Variants in TCAIM observed in about 807,000 individuals in gnomAD.
TCAIM encodes the protein T cell activation inhibitor, mitochondrial.
TCAIM carries 36 observed loss-of-function variants against 58.6 expected under a neutral mutation model. That is an observed-to-expected ratio of 0.61 (90% CI 0.47 to 0.81). The LOEUF (loss-of-function observed/expected upper bound fraction) is 0.81. TCAIM is among the 30% of genes least tolerant of loss of function. The probability of loss-of-function intolerance (pLI) is 0.00; values close to 1 mark genes in which losing one functional copy is unlikely to be tolerated. For missense variants in TCAIM, 466 were observed against 579.6 expected (o/e 0.80, Z 2.01); for synonymous variants, 172 against 193.6 (o/e 0.89, Z 0.93).
intron 5 of TCAIM, among the ~76,000 whole-genome samples, chr3:44,382,100 T>C (rs1449336261): frequency 6.6e-6 from 1 of 152,170 alleles, no homozygotes; most frequent in Non-Finnish European, 1.5e-5. Context: ...TGATGACATT[T>C]TTTGCACAAA....
chr3:44,342,821 A>G (rs1230328558), intron 1 of TCAIM, among the ~76,000 whole-genome samples: 1 of 151,778 alleles, frequency 6.6e-6, no homozygotes, highest in Non-Finnish European at 1.5e-5. Context: ...GACCAATTGC[A>G]TATAAGCTGA....
In TCAIM at chr3:44,345,947, A is replaced by T. The variant is rs532469362; in HGVS notation, c.-45+7113A>T. Among the ~76,000 whole-genome samples, 281 of 152,224 alleles carry T rather than the reference A, an allele frequency of 1.8e-3. 1 individual carries two copies. The highest frequency in any genetic ancestry group is 6.5e-3 in the African/African-American group (269 of 41,514). On this transcript the variant is annotated intron_variant, in intron 1 of 10. Coordinates refer to ENST00000342649, the MANE Select transcript of TCAIM (RefSeq NM_173826.4). ...GAATAGGAGTATGACTAGACAGAAG[A>T]TAGTAGGGATGACAAGTTTTTGGGG...
intron 5 of TCAIM, among the ~76,000 whole-genome samples, chr3:44,370,294 T>C (rs997295573): frequency 2.6e-5 from 4 of 152,052 alleles, no homozygotes; most frequent in African/African-American, 9.7e-5. Flanking sequence ...ACCCCGTCTC[T>C]ACTAAAAATA....
In TCAIM at chr3:44,361,436, T is replaced by G; in HGVS notation, c.237T>G (p.Ser79=). The G allele has an allele frequency of 6.2e-7, 1 of 1,613,254 alleles. No homozygotes were observed. Among genetic ancestry groups the G allele is most frequent in the Non-Finnish European group, 8.5e-7 (1 of 1,179,606 alleles). The change falls in exon 4 of 11, where the codon TCT becomes TCG. Residue 79 remains serine (S), a synonymous_variant. Coordinates refer to ENST00000342649, the MANE Select transcript of TCAIM (RefSeq NM_173826.4). The part of the protein sequence containing the change: ...LENLQKPGFK[S]LKPTQLTFYV... ...ACCTCCAGAAACCAGGCTTCAAGTC[T>G]TTGAAACCAACTCAGCTTACATTTT...
intron 5 of TCAIM, among the ~76,000 whole-genome samples, chr3:44,370,552 A>C (rs1701448719): frequency 6.6e-6 from 1 of 151,698 alleles, no homozygotes; most frequent in Non-Finnish European, 1.5e-5. Context: ...GTCAACAGCT[A>C]TTTTATCTTT....
intron 1 of TCAIM, among the ~76,000 whole-genome samples, chr3:44,348,835 G>A (rs1262647071): frequency 6.6e-6 from 1 of 152,076 alleles, no homozygotes; most frequent in Non-Finnish European, 1.5e-5. Flanking sequence ...TATATTTGAT[G>A]AAAAAGCCTA....
At chr3:44,357,271 G>A (rs746251843) in intron 2 of TCAIM, among the ~76,000 whole-genome samples, 12 of 151,572 alleles carry the variant, frequency 7.9e-5, no homozygotes, top group Admixed American at 2.0e-4. Context: ...GGGAGGGTAA[G>A]GTGGGAGGAT....
At chr3:44,378,214 C>T (rs552354955) in intron 5 of TCAIM, among the ~76,000 whole-genome samples, 13 of 151,534 alleles carry the variant, frequency 8.6e-5, no homozygotes, top group African/African-American at 3.1e-4. Flanking sequence ...AACCCCGTCT[C>T]TACTAAAAAT....
At chr3:44,367,953 T>C in intron 5 of TCAIM, 1 of 381,360 alleles carries the variant, frequency 2.6e-6, no homozygotes, top group Non-Finnish European at 4.7e-6. Flanking sequence ...AAAGTTGTGG[T>C]CTTTTGATAC....
intron 6 of TCAIM, among the ~76,000 whole-genome samples, chr3:44,396,008 A>G (rs1488038252): frequency 6.6e-6 from 1 of 152,258 alleles, no homozygotes; most frequent in Non-Finnish European, 1.5e-5. Flanking sequence ...AGAGAACCTG[A>G]TAAACCTAAC....
intron 5 of TCAIM, among the ~76,000 whole-genome samples, chr3:44,377,076 T>A (rs1371434774): frequency 6.6e-6 from 1 of 152,030 alleles, no homozygotes; most frequent in Non-Finnish European, 1.5e-5. Context: ...GGCAACAGAG[T>A]GAGACTCCGT....
chr3:44,398,755 A>ATTT (rs1453656781), intron 8 of TCAIM, among the ~76,000 whole-genome samples: 1 of 152,194 alleles, frequency 6.6e-6, no homozygotes, highest in African/African-American at 2.4e-5. Flanking sequence ...TATAATAGCC[A>ATTT]AAAACTAGGA....
intron 8 of TCAIM, among the ~76,000 whole-genome samples, chr3:44,398,464 G>C (rs1291672551): frequency 6.6e-6 from 1 of 151,476 alleles, no homozygotes; most frequent in Non-Finnish European, 1.5e-5. Context: ...TAGATAGATA[G>C]ATAGATAGAT....
At chr3:44,396,042 A>G (rs1214487646) in intron 6 of TCAIM, among the ~76,000 whole-genome samples, 1 of 152,272 alleles carries the variant, frequency 6.6e-6, no homozygotes, top group African/African-American at 2.4e-5. Context: ...TGGAACTTGA[A>G]TCTAAAACAA....
At chr3:44,396,597 T>G in intron 7 of TCAIM, 100 bp downstream of exon 7, 2 of 1,438,414 alleles carry the variant, frequency 1.4e-6, no homozygotes, top group South Asian at 1.3e-5. Context: ...GCTGAACTTT[T>G]AAATCTGTTC....
Position 44,343,976 on chromosome 3 carries a change from A to G in TCAIM, c.-45+5142A>G, listed in dbSNP as rs144519734. On this transcript the variant is annotated intron_variant, in intron 1 of 10. Transcript: ENST00000342649. ...TTTTTCTGGATAACTAAAGACCTTG[A>G]ACTTTACACAAATTTTATTTTGCTT... 2.8e-3 allele frequency among the ~76,000 whole-genome samples: 431 copies of G among 151,244 alleles called. 3 individuals are homozygous for G. Among genetic ancestry groups the G allele is most frequent in the African/African-American group, 9.7e-3 (401 of 41,246 alleles).
intron 5 of TCAIM, among the ~76,000 whole-genome samples, chr3:44,373,825 A>C (rs1701521466): frequency 6.6e-6 from 1 of 152,170 alleles, no homozygotes; most frequent in African/African-American, 2.4e-5. Flanking sequence ...ATTATGTTAA[A>C]ACAAAAATGT....
chr3:44,339,668 G>A (rs954519822), intron 1 of TCAIM: 4 of 152,062 alleles, frequency 2.6e-5, no homozygotes, highest in African/African-American at 9.7e-5. Context: ...ATCCTTCCCG[G>A]TCCTCTGCCC....
intron 3 of TCAIM, among the ~76,000 whole-genome samples, chr3:44,360,018 T>G (rs927722016): frequency 6.6e-6 from 1 of 152,214 alleles, no homozygotes; most frequent in Non-Finnish European, 1.5e-5. Flanking sequence ...ATCCCAGATA[T>G]GGCTTGTCCT....
Sources: gnomAD v4.1 joint callset for allele counts (sites outside exome capture counted in the v4.1 genomes callset) on GRCh38, gnomAD v4.1.1 for gene constraint, MANE v1.5 for transcripts, NCBI Gene and HGNC (gene_info 2026-07-23, HGNC 2026-07-21) for gene names.